LAX1: variants seen among roughly 807,000 people sequenced by gnomAD.
The protein encoded by LAX1 is lymphocyte transmembrane adaptor 1.
A neutral mutation model predicts 20.7 loss-of-function variants in LAX1; 17 were observed. The ratio of observed to expected loss-of-function variants is 0.82; its 90% CI spans 0.56 to 1.23. The LOEUF (loss-of-function observed/expected upper bound fraction) is 1.23. LAX1 is among the 50% of genes most tolerant of loss of function. LAX1 has a pLI of 0.00. For missense variants in LAX1, 470 were observed against 487.0 expected, an observed-to-expected ratio of 0.97 and a Z score of 0.33; for synonymous variants, 165 against 181.0, an observed-to-expected ratio of 0.91 and a Z score of 0.71.
intron 4 of LAX1, among the ~76,000 whole-genome samples, chr1:203,773,007 T>C (rs1206773632): frequency 6.6e-6 from 1 of 152,182 alleles, no homozygotes; most frequent in Non-Finnish European, 1.5e-5. Context: ...CATGACAACA[T>C]GTTTATTCAA....
chr1:203,776,292 A>T lies in LAX1; in HGVS notation c.*1611A>T, dbSNP rs1490198453. On this transcript the variant is annotated 3_prime_UTR_variant, in exon 5 of 5. Coordinates refer to ENST00000442561, the MANE Select transcript of LAX1 (RefSeq NM_017773.4). ...ACTAGGAGGCTGAGGCAGGAGAATC[A>T]CTTGAACCAGGAAGGCGGACTGCAT... is the stretch of plus-strand genomic sequence containing the variant. 4 of 148,558 alleles carry T rather than the reference A, an allele frequency of 2.7e-5. No individual in the cohort carries two copies. The highest frequency in any genetic ancestry group is 9.9e-5 in the African/African-American group (4 of 40,338). The allele number at this position is 148,558 out of a possible 1,614,324, so 9.2% of individuals were successfully genotyped here. A position where few individuals can be genotyped will look rare whatever the true frequency, so the allele number is the denominator to read the frequency against.
At chr1:203,769,433 GAAA>G (rs771037695) in intron 1 of LAX1, among the ~76,000 whole-genome samples, 181 of 100,250 alleles carry the variant, frequency 1.8e-3, no homozygotes, top group Admixed American at 3.3e-3. Context: ...AAGAAAGAAA[GAAA>G]GAAAGAAGGA....
intron 1 of LAX1, among the ~76,000 whole-genome samples, chr1:203,770,549 G>GAAAGAAAGAAAT (rs1667402142): frequency 4.2e-5 from 6 of 142,036 alleles, no homozygotes; most frequent in African/African-American, 1.6e-4. Flanking sequence ...AAGAAAGAAA[G>GAAAGAAAGAAAT]AAAGAAAGAA....
chr1:203,770,557 G>GAAGGAAAGAAAGAAAGAAAGAA (rs1667402748), intron 1 of LAX1, among the ~76,000 whole-genome samples: 2 of 117,326 alleles, frequency 1.7e-5, no homozygotes, highest in Admixed American at 1.2e-4. Flanking sequence ...AAGAAAGAAA[G>GAAGGAAAGAAAGAAAGAAAGAA]AAAGAAAGAA....
At chr1:203,766,707 T>C (rs1667309333) in intron 1 of LAX1, among the ~76,000 whole-genome samples, 1 of 152,228 alleles carries the variant, frequency 6.6e-6, no homozygotes, top group Admixed American at 6.5e-5. Context: ...CATTGTACAA[T>C]AGCTACATTA....
chr1:203,771,489 C>A lies in LAX1; in HGVS notation c.310+12C>A. The A allele has an allele frequency of 6.8e-7, 1 of 1,473,508 alleles. No individual in the cohort carries two copies. The highest frequency in any genetic ancestry group is 9.5e-7 in the Non-Finnish European group (1 of 1,051,580). The allele number at this position is 1,473,508 out of a possible 1,614,324, so 91.3% of individuals were successfully genotyped here. ...ACAGGAAGACCTGGGTAGGTTTTTC[C>A]TTCTAATCTATGGAGTCCAGATATT... On this transcript the variant is annotated intron_variant, in intron 3 of 4. Coordinates refer to ENST00000442561, the MANE Select transcript of LAX1 (RefSeq NM_017773.4).
intron 1 of LAX1, among the ~76,000 whole-genome samples, chr1:203,765,990 G>T (rs1434317394): frequency 6.6e-6 from 1 of 152,046 alleles, no homozygotes; most frequent in Non-Finnish European, 1.5e-5. Context: ...AGAAACAAAA[G>T]GCTGAGTTTT....
rs945828572 is a variant in LAX1 at position 203,771,601 on chromosome 1, C to A, written c.310+124C>A. 6.7e-5 allele frequency: 48 copies of A among 721,326 alleles called. No individual in the cohort carries two copies. In the African/African-American group the frequency reaches 7.8e-4, roughly 12 times the overall value. 44.7% of individuals were successfully genotyped at this position (721,326 alleles called of 1,614,324 possible). A position where few individuals can be genotyped will look rare whatever the true frequency, so the allele number is the denominator to read the frequency against. On this transcript the variant is annotated intron_variant, in intron 3 of 4. Coordinates refer to ENST00000442561, the MANE Select transcript of LAX1 (RefSeq NM_017773.4). ...AACCTGTTTGCCCTTCAGAGAGTAT[C>A]AGGGAGAATGGGATAGATAGACTGT...
chr1:203,776,067 C>T lies in LAX1; in HGVS notation c.*1386C>T, dbSNP rs1300137223. The T allele has an allele frequency of 6.6e-6, 1 of 152,334 alleles. No individual in the cohort carries two copies. Among genetic ancestry groups the T allele is most frequent in the East Asian group, 1.9e-4 (1 of 5,182 alleles). The allele number at this position is 152,334 out of a possible 1,614,324, so 9.4% of individuals were successfully genotyped here. A position where few individuals can be genotyped will look rare whatever the true frequency, so the allele number is the denominator to read the frequency against. ...GCGCGGTGGCTCACACCCGTAATCC[C>T]AGCACTTTGCGGGGCCGAGGCAGGG... On this transcript the variant is annotated 3_prime_UTR_variant, in exon 5 of 5. Coordinates refer to ENST00000442561, the MANE Select transcript of LAX1 (RefSeq NM_017773.4).
At chr1:203,768,254 T>C (rs1450035188) in intron 1 of LAX1, among the ~76,000 whole-genome samples, 1 of 152,056 alleles carries the variant, frequency 6.6e-6, no homozygotes, top group African/African-American at 2.4e-5. Flanking sequence ...GAGGTTGTGG[T>C]GAGCCAAGAT....
intron 4 of LAX1, among the ~76,000 whole-genome samples, 162 bp from the exon 5 acceptor site, chr1:203,773,713 A>G (rs575212556): frequency 6.7e-6 from 1 of 148,344 alleles, no homozygotes; most frequent in Non-Finnish European, 1.5e-5. Context: ...ACTGTGGCCA[A>G]AAACTAGTTG....
chr1:203,769,759 T>C, intron 1 of LAX1: 1 of 105,778 alleles, frequency 9.5e-6, no homozygotes, highest in East Asian at 3.3e-4. Context: ...GGAGACCAGC[T>C]CCACAAATTG....
chr1:203,771,476 G>T lies in LAX1; in HGVS notation c.309G>T (p.Leu103=). The change falls in exon 3 of 5, where the codon CTG becomes CTT. Residue 103 remains leucine (L), a splice_region_variant and synonymous_variant. Coordinates refer to ENST00000442561, the MANE Select transcript of LAX1 (RefSeq NM_017773.4). ...TCTTGCCTTGGCGACAGGAAGACCTGGGTAGGTTTTTCCTTCTAATCTATG... is the reference window on the plus strand; with the variant it reads ...TCTTGCCTTGGCGACAGGAAGACCTTGGTAGGTTTTTCCTTCTAATCTATG... ...YDILPWRQED[L]GRHESRSMRI... 1 of 1,586,388 alleles carries T rather than the reference G, an allele frequency of 6.3e-7. No homozygotes were observed. The highest frequency in any genetic ancestry group is 8.7e-7 in the Non-Finnish European group (1 of 1,154,768).
At position 203,770,433 on chromosome 1, in the gene LAX1, A is replaced by AGAGAGAGAGAGAG. The variant is rs1553254324; in HGVS notation, c.90-395_90-394insGAGAGAGAGAGAG. Among the ~76,000 whole-genome samples the AGAGAGAGAGAGAG allele has an allele frequency of 6.0e-3, 269 of 44,882 alleles. 54 individuals are homozygous for AGAGAGAGAGAGAG. The highest frequency in any genetic ancestry group is 0.014 in the South Asian group (12 of 854). 29.4% of individuals were successfully genotyped at this position (44,882 alleles called of 152,430 possible). A position where few individuals can be genotyped will look rare whatever the true frequency, so the allele number is the denominator to read the frequency against. Reference sequence around the variant, plus strand: ...TCCATCAAAAAGAAAGAAAGAAAGAAAGAGAGAGAGAGAGAGAGAGAAAGG... The same window carrying AGAGAGAGAGAGAG: ...TCCATCAAAAAGAAAGAAAGAAAGAAGAGAGAGAGAGAGAGAGAGAGAGAGAGAGAGAGAAAGG... On this transcript the variant is annotated intron_variant, in intron 1 of 4. Transcript: ENST00000442561.
At chr1:203,770,433 A>AAGAGAGAGAGAGAGAGAG (rs72071580) in intron 1 of LAX1, among the ~76,000 whole-genome samples, 3 of 44,924 alleles carry the variant, frequency 6.7e-5, no homozygotes, top group African/African-American at 1.8e-4. Flanking sequence ...GAAAGAAAGA[A>AAGAGAGAGAGAGAGAGAG]AGAGAGAGAG....
chr1:203,770,457 G>GA (rs55910139), intron 1 of LAX1, among the ~76,000 whole-genome samples: 288 of 28,480 alleles, frequency 0.01, 33 homozygotes, highest in East Asian at 0.016. Flanking sequence ...GAGAGAGAAA[G>GA]GAAGGAAGGA....
intron 4 of LAX1, among the ~76,000 whole-genome samples, chr1:203,772,745 T>C (rs1410452324): frequency 1.3e-5 from 2 of 148,766 alleles, no homozygotes; most frequent in Non-Finnish European, 3.0e-5. Context: ...TTTCTTTTTT[T>C]GCTCACTCCA....
intron 4 of LAX1, 63 bp from the exon 5 acceptor site, chr1:203,773,812 A>G: frequency 1.2e-6 from 1 of 812,286 alleles, no homozygotes; most frequent in Non-Finnish European, 1.8e-6. Context: ...ATTTTCCAAG[A>G]AGAAAGGCTT....
Position 203,770,949 on chromosome 1 carries a change from G to A in LAX1, c.199+12G>A. 1 of 1,584,440 alleles carries A rather than the reference G, an allele frequency of 6.3e-7. No individual in the cohort carries two copies. The highest frequency in any genetic ancestry group is 8.7e-7 in the Non-Finnish European group (1 of 1,152,772). Reference sequence around the variant, plus strand: ...TAAACGGAAGAAGCGTGAGTCCCTTGTTTGTCCTGAGTTGAGACACAGTAG... The same window carrying A: ...TAAACGGAAGAAGCGTGAGTCCCTTATTTGTCCTGAGTTGAGACACAGTAG... On this transcript the variant is annotated intron_variant, in intron 2 of 4. Coordinates refer to ENST00000442561, the MANE Select transcript of LAX1 (RefSeq NM_017773.4).
Sources: allele counts gnomAD v4.1 joint callset (sites outside exome capture counted in the v4.1 genomes callset), GRCh38; gene constraint gnomAD v4.1.1; transcripts MANE v1.5; gene names NCBI Gene and HGNC (gene_info 2026-07-23, HGNC 2026-07-21).